The following SNCAIP variants were observed in gnomAD, a reference collection of about 807,000 sequenced individuals.
SNCAIP encodes synphilin-1.
A neutral mutation model predicts 86.7 loss-of-function variants in SNCAIP; 43 were observed. The ratio of observed to expected loss-of-function variants is 0.50; its 90% CI spans 0.39 to 0.64. SNCAIP has a LOEUF of 0.64. Ranked by LOEUF, SNCAIP falls within the 30% of genes least tolerant of loss-of-function variation. The probability of loss-of-function intolerance (pLI) is 0.00; values close to 1 mark genes in which losing one functional copy is unlikely to be tolerated. For missense variants in SNCAIP, 981 were observed against 1,103.1 expected (o/e 0.89, Z 1.57); for synonymous variants, 417 against 427.2 (o/e 0.98, Z 0.29).
chr5:122,319,552 T>G (rs10059823), intron 1 of SNCAIP, among the ~76,000 whole-genome samples: 6,741 of 152,254 alleles, frequency 0.044, 490 homozygotes, highest in African/African-American at 0.15. Context: ...CTTAAGAGCA[T>G]CATATGAAAG....
At chr5:122,409,907 T>C (rs1773776218) in intron 3 of SNCAIP, among the ~76,000 whole-genome samples, 1 of 152,194 alleles carries the variant, frequency 6.6e-6, no homozygotes, top group African/African-American at 2.4e-5. Context: ...GCAGTTTGAA[T>C]TGAAAAGCTT....
chr5:122,386,603 T>C (rs1355940778), intron 1 of SNCAIP, among the ~76,000 whole-genome samples: 1 of 152,216 alleles, frequency 6.6e-6, no homozygotes, highest in African/African-American at 2.4e-5. Context: ...CTCCCAGTGC[T>C]GTGGGCACAT....
At chr5:122,341,209 T>A (rs1398055770) in intron 1 of SNCAIP, among the ~76,000 whole-genome samples, 2 of 152,192 alleles carry the variant, frequency 1.3e-5, no homozygotes, top group Non-Finnish European at 2.9e-5. Context: ...TTTAAAGTGT[T>A]GAAAGAGAAG....
chr5:122,326,811 T>A (rs1462606656), intron 1 of SNCAIP, among the ~76,000 whole-genome samples: 1 of 151,902 alleles, frequency 6.6e-6, no homozygotes, highest in Non-Finnish European at 1.5e-5. Flanking sequence ...ATTTAAACAT[T>A]TGGGTCTCCC....
chr5:122,423,811 T>TA, intron 4 of SNCAIP, 72 bp downstream of exon 4: 1 of 1,332,362 alleles, frequency 7.5e-7, no homozygotes, highest in Non-Finnish European at 1.1e-6. Context: ...CATTCGTTAG[T>TA]AACAGAACGA....
chr5:122,360,730 G>A (rs1237107609), intron 1 of SNCAIP, among the ~76,000 whole-genome samples: 1 of 152,202 alleles, frequency 6.6e-6, no homozygotes, highest in Non-Finnish European at 1.5e-5. Flanking sequence ...ATGAAATTCA[G>A]TAGCTGGAAA....
At chr5:122,443,468 G>C in intron 7 of SNCAIP, 1 of 335,368 alleles carries the variant, frequency 3.0e-6, no homozygotes, top group Non-Finnish European at 6.1e-6. Flanking sequence ...ACCTTGGCCA[G>C]ATTCCGTAAC....
At chr5:122,351,863 T>G (rs148949897) in intron 1 of SNCAIP, among the ~76,000 whole-genome samples, 1,613 of 152,236 alleles carry the variant, frequency 0.011, 11 homozygotes, top group Non-Finnish European at 0.012. Context: ...GATGATGGCT[T>G]TGCTTAGGAG....
At chr5:122,408,055 G>A (rs1460342944) in intron 3 of SNCAIP, among the ~76,000 whole-genome samples, 1 of 152,140 alleles carries the variant, frequency 6.6e-6, no homozygotes, top group Non-Finnish European at 1.5e-5. Flanking sequence ...GTCACTCTTG[G>A]GCCTGTCTTC....
chr5:122,373,842 C>G (rs555320003), intron 1 of SNCAIP, among the ~76,000 whole-genome samples: 180 of 152,286 alleles, frequency 1.2e-3, no homozygotes, highest in Non-Finnish European at 2.1e-3. Flanking sequence ...ACCAAATTGC[C>G]CACCCCTTGG....
In SNCAIP at chr5:122,423,624, A is replaced by G. The variant is rs1397141855; in HGVS notation, c.887A>G (p.Glu296Gly). 2 of 1,613,724 alleles carry G rather than the reference A, an allele frequency of 1.2e-6. No individual in the cohort carries two copies. The highest frequency in any genetic ancestry group is 3.3e-5 in the Admixed American group (2 of 60,008). Reference sequence around the variant, plus strand: ...TCAGCAGCAGAATCCAAACCAGAAGAGCAGGTCAGTGGCCTAAACCGGACC... The same window carrying G: ...TCAGCAGCAGAATCCAAACCAGAAGGGCAGGTCAGTGGCCTAAACCGGACC... ...QSSAAESKPE[E>G]QVSGLNRTSS... The change falls in exon 4 of 11, where the codon GAG (glutamate) becomes GGG (glycine). Residue 296 changes from glutamate to glycine, a missense_variant. Glu to Gly is a moderately conservative substitution (Grantham distance 98). Transcript: ENST00000261368.
intron 1 of SNCAIP, among the ~76,000 whole-genome samples, chr5:122,334,464 A>G (rs1243538231): frequency 6.6e-6 from 1 of 152,192 alleles, no homozygotes; most frequent in Non-Finnish European, 1.5e-5. Flanking sequence ...ACTTTTCATT[A>G]TATGAAAAAA....
intron 5 of SNCAIP, among the ~76,000 whole-genome samples, chr5:122,430,529 G>A (rs1032061317): frequency 1.4e-4 from 21 of 152,082 alleles, no homozygotes; most frequent in African/African-American, 4.6e-4. Context: ...ATTTGTCCAT[G>A]GTCTTGCAAC....
chr5:122,436,754 C>G (rs1002350956), intron 6 of SNCAIP: 6 of 152,112 alleles, frequency 3.9e-5, no homozygotes, highest in African/African-American at 1.4e-4. Context: ...TGACATACTT[C>G]TCAAGTACAT....
chr5:122,350,482 T>TA (rs1299605712), intron 1 of SNCAIP, among the ~76,000 whole-genome samples: 1 of 151,760 alleles, frequency 6.6e-6, no homozygotes, highest in Non-Finnish European at 1.5e-5. Flanking sequence ...ACAAAACCCT[T>TA]ACAAAGGGTT....
rs191386954 is a variant in SNCAIP, at chr5:122,336,065, T to C, written c.-47+23781T>C. ...TATTATTAAGACTTAACTTATATAG[T>C]GTTATTACAGAGGGAGGCCTTCTTC... On this transcript the variant is annotated intron_variant, in intron 1 of 10. Coordinates refer to ENST00000261368, the MANE Select transcript of SNCAIP (RefSeq NM_005460.4). Among the ~76,000 whole-genome samples the C allele has an allele frequency of 3.0e-3, 456 of 152,224 alleles. 4 individuals are homozygous for C. Among genetic ancestry groups the C allele is most frequent in the African/African-American group, 0.01 (433 of 41,548 alleles).
chr5:122,347,031 C>T (rs1411804399), intron 1 of SNCAIP, among the ~76,000 whole-genome samples: 1 of 151,812 alleles, frequency 6.6e-6, no homozygotes, highest in African/African-American at 2.4e-5. Context: ...ATTAAAACAT[C>T]GTTGAGGCAA....
chr5:122,316,766 T>G (rs180680655), intron 1 of SNCAIP, among the ~76,000 whole-genome samples: 3 of 152,310 alleles, frequency 2.0e-5, no homozygotes, highest in Admixed American at 2.0e-4. Context: ...TAAAAGCTCA[T>G]GCAAGGTGCT....
intron 8 of SNCAIP, 21 bp downstream of exon 8, chr5:122,444,753 A>G (rs1334729487): frequency 1.9e-5 from 31 of 1,598,746 alleles, no homozygotes; most frequent in Non-Finnish European, 2.6e-5. Flanking sequence ...TGTTGGTTCC[A>G]TGAGAACCAA....
Sources: gnomAD v4.1 joint callset for allele counts (sites outside exome capture counted in the v4.1 genomes callset) on GRCh38, gnomAD v4.1.1 for gene constraint, MANE v1.5 for transcripts, NCBI Gene and HGNC (gene_info 2026-07-23, HGNC 2026-07-21) for gene names.